ASTN2: variants seen among roughly 807,000 people sequenced by gnomAD.
ASTN2 encodes the protein astrotactin 2.
ASTN2 carries 54 observed loss-of-function variants against 139.8 expected under a neutral mutation model. That is an observed-to-expected ratio of 0.39 (90% CI 0.31 to 0.48). The LOEUF is 0.48. Ranked by LOEUF, ASTN2 falls within the 20% of genes least tolerant of loss-of-function variation. The pLI, the probability that ASTN2 is intolerant of heterozygous loss-of-function variation, is 0.95. For synonymous variants in ASTN2, 756 were observed against 719.5 expected, an observed-to-expected ratio of 1.05 and a Z score of -0.81; for missense variants, 1,565 against 1,725.1, an observed-to-expected ratio of 0.91 and a Z score of 1.64.
intron 16 of ASTN2, among the ~76,000 whole-genome samples, chr9:116,710,662 G>A (rs373909137): frequency 3.3e-4 from 49 of 150,048 alleles, no homozygotes; most frequent in East Asian, 2.4e-3. Context: ...GAGCCCAGGA[G>A]GTGGAGGTTG....
At chr9:116,736,950 C>A (rs1005796361) in intron 13 of ASTN2, among the ~76,000 whole-genome samples, 18 of 152,150 alleles carry the variant, frequency 1.2e-4, no homozygotes, top group Non-Finnish European at 2.5e-4. Flanking sequence ...GTAGAGTGTG[C>A]AAACTCAGGA....
At chr9:116,888,933 G>A (rs927461726) in intron 10 of ASTN2, among the ~76,000 whole-genome samples, 1 of 152,154 alleles carries the variant, frequency 6.6e-6, no homozygotes, top group Non-Finnish European at 1.5e-5. Context: ...CCACTTATAT[G>A]TGAGAATATG....
At chr9:116,578,633 T>C (rs962398278) in intron 19 of ASTN2, among the ~76,000 whole-genome samples, 1,908 of 105,812 alleles carry the variant, frequency 0.018, 48 homozygotes, top group African/African-American at 0.069. Context: ...TGTGTGTGTG[T>C]GTGTGTGTGT....
At position 116,845,825 on chromosome 9, in the gene ASTN2, A is replaced by C. The variant is rs528403358; in HGVS notation, c.2040+17758T>G. 1.0e-3 allele frequency among the ~76,000 whole-genome samples: 157 copies of C among 152,350 alleles called. 3 individuals carry two copies. In the South Asian group the frequency reaches 0.03, roughly 30 times the overall value. ...AAAAACAGTATGGAGGTTCCTCAAGAAATTAAAAATAGAACTACCATATGA... is the reference window on the plus strand; with the variant it reads ...AAAAACAGTATGGAGGTTCCTCAAGCAATTAAAAATAGAACTACCATATGA... On this transcript the variant is annotated intron_variant, in intron 11 of 22. Coordinates refer to ENST00000313400, the MANE Select transcript of ASTN2 (RefSeq NM_001365068.1).
intron 7 of ASTN2, among the ~76,000 whole-genome samples, chr9:116,978,009 G>A (rs1433132164): frequency 2.0e-5 from 3 of 152,000 alleles, no homozygotes; most frequent in Non-Finnish European, 4.4e-5. Flanking sequence ...GAGCCACCAC[G>A]CCTGGCCTAG....
intron 10 of ASTN2, among the ~76,000 whole-genome samples, chr9:116,890,818 C>A (rs138015088): frequency 0.014 from 2,098 of 151,876 alleles, 19 homozygotes; most frequent in Non-Finnish European, 0.019. Flanking sequence ...GGGGGTGGAG[C>A]GGGGGTATAT....
At chr9:116,768,910 TC>T (rs1366482604) in intron 13 of ASTN2, among the ~76,000 whole-genome samples, 5 of 152,234 alleles carry the variant, frequency 3.3e-5, no homozygotes, top group Admixed American at 1.3e-4. Context: ...TATTTTAAAA[TC>T]ATCTATGCTC....
intron 19 of ASTN2, among the ~76,000 whole-genome samples, chr9:116,606,819 A>G (rs1004421799): frequency 3.3e-5 from 5 of 152,212 alleles, no homozygotes; most frequent in African/African-American, 1.2e-4. Context: ...CATTCCACAG[A>G]AAAGGAAACT....
intron 5 of ASTN2, among the ~76,000 whole-genome samples, chr9:117,058,938 T>A (rs1365171459): frequency 1.3e-5 from 2 of 152,080 alleles, no homozygotes; most frequent in African/African-American, 4.8e-5. Flanking sequence ...GCTGGAGAGG[T>A]AAGCAAAGGC....
chr9:116,869,082 G>A (rs1833088278), intron 10 of ASTN2, among the ~76,000 whole-genome samples: 2 of 152,140 alleles, frequency 1.3e-5, no homozygotes, highest in South Asian at 4.1e-4. Flanking sequence ...CTACTCGGGA[G>A]GCTGAAGCAG....
chr9:117,191,618 G>A (rs1035355425), intron 3 of ASTN2, among the ~76,000 whole-genome samples: 2 of 152,172 alleles, frequency 1.3e-5, no homozygotes, highest in African/African-American at 4.8e-5. Flanking sequence ...CTTTGTCAGA[G>A]GCATTGAGGT....
In ASTN2 at chr9:116,715,845, C is replaced by T. The variant is rs190051097; in HGVS notation, c.2806+9926G>A. ...ATAAAGGAAAGAAATGAGAGGCAGA[C>T]AGGGAAGAACAGGGCCCCCTGGGGT... On this transcript the variant is annotated intron_variant, in intron 16 of 22. Transcript: ENST00000313400. 3.3e-5 allele frequency among the ~76,000 whole-genome samples: 5 copies of T among 152,210 alleles called. No individual in the cohort carries two copies. The East Asian group carries it at 9.7e-4, about 30-fold the overall frequency.
At chr9:117,355,534 C>T (rs1200733272) in intron 1 of ASTN2, among the ~76,000 whole-genome samples, 1 of 152,130 alleles carries the variant, frequency 6.6e-6, no homozygotes, top group African/African-American at 2.4e-5. Flanking sequence ...GACAACCAGA[C>T]ACCAGGCTGC....
intron 1 of ASTN2, among the ~76,000 whole-genome samples, chr9:117,357,745 A>G (rs1411243783): frequency 3.3e-5 from 5 of 152,150 alleles, no homozygotes; most frequent in Admixed American, 2.0e-4. Flanking sequence ...TATTTTGACT[A>G]GAGTCTTTAA....
intron 10 of ASTN2, among the ~76,000 whole-genome samples, chr9:116,945,859 T>C (rs1477414371): frequency 6.6e-6 from 1 of 152,222 alleles, no homozygotes; most frequent in Middle Eastern, 3.2e-3. Flanking sequence ...AAGAACTATA[T>C]GAGACTGGGT....
intron 19 of ASTN2, among the ~76,000 whole-genome samples, chr9:116,534,630 T>G (rs1031196842): frequency 6.6e-5 from 10 of 152,236 alleles, no homozygotes; most frequent in South Asian, 2.1e-4. Flanking sequence ...CCAGTAGTCA[T>G]TCAGGAACAG....
intron 10 of ASTN2, among the ~76,000 whole-genome samples, chr9:116,954,461 G>A (rs1458991994): frequency 6.6e-6 from 1 of 152,182 alleles, no homozygotes; most frequent in Admixed American, 6.5e-5. Flanking sequence ...CACACTTTGA[G>A]CAGCAATGCC....
At chr9:116,664,101 T>C (rs537044543) in intron 16 of ASTN2, among the ~76,000 whole-genome samples, 1 of 152,258 alleles carries the variant, frequency 6.6e-6, no homozygotes, top group Admixed American at 6.5e-5. Flanking sequence ...CAATAGGTAA[T>C]TGGTTGAAAA....
At chr9:116,758,595 G>C (rs1318832861) in intron 13 of ASTN2, among the ~76,000 whole-genome samples, 2 of 152,214 alleles carry the variant, frequency 1.3e-5, no homozygotes, top group Non-Finnish European at 2.9e-5. Flanking sequence ...GGCAAATGGA[G>C]ACTGAAATTC....
Sources: gnomAD v4.1 joint callset for allele counts (sites outside exome capture counted in the v4.1 genomes callset) on GRCh38, gnomAD v4.1.1 for gene constraint, MANE v1.5 for transcripts, NCBI Gene and HGNC (gene_info 2026-07-23, HGNC 2026-07-21) for gene names.